The following KDM6B variants were observed in gnomAD, a reference collection of about 807,000 sequenced individuals.
The protein encoded by KDM6B is lysine demethylase 6B, also known as lysine-specific demethylase 6B.
Under a neutral mutation model 150.4 loss-of-function variants are expected in KDM6B, and 22 were observed. That is an observed-to-expected ratio of 0.15 (90% confidence interval 0.10 to 0.21). KDM6B has a LOEUF of 0.21. KDM6B is among the 10% of genes least tolerant of loss of function. KDM6B has a pLI of 1.00. For synonymous variants in KDM6B, 1,148 were observed against 921.1 expected (o/e 1.25, Z -4.46); for missense variants, 1,984 against 2,234.3 (o/e 0.89, Z 2.26).
intron 21 of KDM6B, 43 bp downstream of exon 21, chr17:7,852,679 T>A: frequency 6.2e-7 from 1 of 1,612,622 alleles, no homozygotes; most frequent in Non-Finnish European, 8.5e-7. Context: ...CACTGACTGG[T>A]CCCTTTTCTT....
chr17:7,846,617 G>A lies in KDM6B; in HGVS notation c.588G>A (p.Pro196=), dbSNP rs143632454. The A allele has an allele frequency of 3.3e-5, 53 of 1,613,936 alleles. No homozygotes were observed. Among genetic ancestry groups the A allele is most frequent in the African/African-American group, 2.4e-4 (18 of 74,886 alleles). Residue 196 remains proline, a synonymous_variant, in exon 9 of 24, where the codon CCG becomes CCA. Coordinates refer to ENST00000448097, the MANE Select transcript of KDM6B (RefSeq NM_001348716.2). Reference sequence around the variant, plus strand: ...ATGGAGCCAAGCGGGGAGGTCCCCCGGTGAAGCGAGCTGCTGAACCCCCAG... The same window carrying A: ...ATGGAGCCAAGCGGGGAGGTCCCCCAGTGAAGCGAGCTGCTGAACCCCCAG... ...RNYGAKRGGP[P]VKRAAEPPVV...
chr17:7,854,757 T>G lies in KDM6B; in HGVS notation c.*1236T>G. ...CTACCCCTATTTTCGGTGATTTTTG[T>G]GTGAGAATATTAATATTAAAAATAA... On this transcript the variant is annotated 3_prime_UTR_variant, in exon 24 of 24. Transcript: ENST00000448097. 3.4e-6 allele frequency: 1 copy of G among 290,518 alleles called. No individual in the cohort carries two copies. Among genetic ancestry groups the G allele is most frequent in the Non-Finnish European group, 6.6e-6 (1 of 151,500 alleles). 18.0% of individuals were successfully genotyped at this position (290,518 alleles called of 1,614,324 possible).
In KDM6B at chr17:7,849,242, G is replaced by A. The variant is rs756964794; in HGVS notation, c.2954G>A (p.Arg985Gln). 23 of 1,564,476 alleles carry A rather than the reference G, an allele frequency of 1.5e-5. No homozygotes were observed. The highest frequency in any genetic ancestry group is 2.4e-5 in the East Asian group (1 of 41,706). Residue 985 changes from arginine to glutamine, a missense_variant, in exon 12 of 24, where the codon CGG becomes CAG. Physicochemically the swap from Arg to Gln is conservative, Grantham distance 43 (BLOSUM62 1). Around this residue, in one of 13 missense-constraint regions of KDM6B, gnomAD observed 1,379 missense variants for 1,275.6 expected, o/e 1.08. Coordinates refer to ENST00000448097, the MANE Select transcript of KDM6B (RefSeq NM_001348716.2). ...AAGGAGCATCAGAAGGAGCATCGGC[G>A]GCACAGGCGGGCCTGTAAGGACAGT... ...RQKEHQKEHR[R>Q]HRRACKDSVG...
intron 2 of KDM6B, among the ~76,000 whole-genome samples, chr17:7,842,035 G>A (rs543394315): frequency 5.3e-5 from 8 of 152,346 alleles, no homozygotes; most frequent in Non-Finnish European, 7.3e-5. Context: ...GCTGATTGCC[G>A]GCTAGGTAAA....
In KDM6B at chr17:7,854,751, T is replaced by G; in HGVS notation, c.*1230T>G. The G allele has an allele frequency of 3.5e-6, 1 of 283,252 alleles. No homozygotes were observed. The highest frequency in any genetic ancestry group is 6.8e-6 in the Non-Finnish European group (1 of 146,722). The allele number at this position is 283,252 out of a possible 1,614,324, so 17.5% of individuals were successfully genotyped here. On this transcript the variant is annotated 3_prime_UTR_variant, in exon 24 of 24. Transcript: ENST00000448097. The stretch of plus-strand genomic sequence containing the variant: ...CCAACCCTACCCCTATTTTCGGTGA[T>G]TTTTGTGTGAGAATATTAATATTAA...
chr17:7,842,029 A>C (rs1245490038), intron 2 of KDM6B, among the ~76,000 whole-genome samples: 8 of 152,208 alleles, frequency 5.3e-5, no homozygotes, highest in African/African-American at 1.9e-4. Flanking sequence ...ATGCCCGCTG[A>C]TTGCCGGCTA....
At position 7,846,387 on chromosome 17, in the gene KDM6B, C is replaced by T. The variant is rs2078537997; in HGVS notation, c.457-13C>T. 6.9e-7 allele frequency: 1 copy of T among 1,458,574 alleles called. No individual in the cohort carries two copies. Among genetic ancestry groups the T allele is most frequent in the Non-Finnish European group, 9.5e-7 (1 of 1,056,630 alleles). The allele number at this position is 1,458,574 out of a possible 1,614,324, so 90.4% of individuals were successfully genotyped here. A position where few individuals can be genotyped will look rare whatever the true frequency, so the allele number is the denominator to read the frequency against. ...CTGACATCTGCCCCTGCCCCGTGTCCCCCCACCCCCAGGCCCAGCTCTGGA... is the reference window on the plus strand; with the variant it reads ...CTGACATCTGCCCCTGCCCCGTGTCTCCCCACCCCCAGGCCCAGCTCTGGA... On this transcript the variant is annotated splice_polypyrimidine_tract_variant and intron_variant, in intron 7 of 23. Transcript: ENST00000448097.
At chr17:7,837,134 G>C (rs1227880898) in intron 1 of KDM6B, among the ~76,000 whole-genome samples, 1 of 152,178 alleles carries the variant, frequency 6.6e-6, no homozygotes, top group Non-Finnish European at 1.5e-5. Flanking sequence ...TGGCACAGAA[G>C]AGCTTCCCCT....
In KDM6B at chr17:7,848,673, C is replaced by A. The variant is rs1385075227; in HGVS notation, c.2385C>A (p.Pro795=). The A allele has an allele frequency of 3.1e-6, 5 of 1,609,434 alleles. No individual in the cohort carries two copies. Among genetic ancestry groups the A allele is most frequent in the Non-Finnish European group, 4.2e-6 (5 of 1,178,566 alleles). The part of the protein sequence containing the change: ...PPPSQPQPPP[P]PPPSPASLLK... Reference sequence around the variant, plus strand: ...CCTCTCAGCCACAGCCACCACCACCCCCACCCCCCAGCCCGGCCAGCCTGC... The same window carrying A: ...CCTCTCAGCCACAGCCACCACCACCACCACCCCCCAGCCCGGCCAGCCTGC... The change falls in exon 12 of 24, where the codon CCC becomes CCA. Residue 795 remains proline (P), a synonymous_variant. Coordinates refer to ENST00000448097, the MANE Select transcript of KDM6B (RefSeq NM_001348716.2).
chr17:7,845,341 C>A lies in KDM6B; in HGVS notation c.-121C>A. 1 of 650,804 alleles carries A rather than the reference C, an allele frequency of 1.5e-6. No individual in the cohort carries two copies. Among genetic ancestry groups the A allele is most frequent in the Non-Finnish European group, 2.8e-6 (1 of 359,470 alleles). The allele number at this position is 650,804 out of a possible 1,614,324, so 40.3% of individuals were successfully genotyped here. Reference sequence around the variant, plus strand: ...TTGGCTGTGAAAGGACTGAGGCAGCCATCTGGGGGTAGCGGGCACTCTTAT... The same window carrying A: ...TTGGCTGTGAAAGGACTGAGGCAGCAATCTGGGGGTAGCGGGCACTCTTAT... On this transcript the variant is annotated 5_prime_UTR_variant, in exon 4 of 24. Coordinates refer to ENST00000448097, the MANE Select transcript of KDM6B (RefSeq NM_001348716.2).
chr17:7,845,752 C>T, intron 5 of KDM6B, 61 bp downstream of exon 5: 5 of 1,610,324 alleles, frequency 3.1e-6, no homozygotes, highest in Non-Finnish European at 4.2e-6. Flanking sequence ...ATCCCTCAAT[C>T]TGTGTCATTC....
rs1184616838 is a variant in KDM6B, at chr17:7,849,142, C to A, written c.2854C>A (p.Leu952Met). 2 of 1,612,102 alleles carry A rather than the reference C, an allele frequency of 1.2e-6. No homozygotes were observed. The highest frequency in any genetic ancestry group is 1.7e-6 in the Non-Finnish European group (2 of 1,179,714). ...GCCAGCGGACAGTGGGACTGAGCGA[C>A]TGCTGCCCCCCGCACAGGCCAAGGA... is the stretch of plus-strand genomic sequence containing the variant. Reference protein sequence around the residue: ...AEPADSGTERLLPPAQAKEEA... With the variant: ...AEPADSGTERMLPPAQAKEEA... The change falls in exon 12 of 24, where the codon CTG (leucine) becomes ATG (methionine). Residue 952 changes from leucine to methionine, a missense_variant. Physicochemically the swap from Leu to Met is conservative, Grantham distance 15. Around this residue, in one of 13 missense-constraint regions of KDM6B, gnomAD observed 1,379 missense variants for 1,275.6 expected, o/e 1.08. Coordinates refer to ENST00000448097, the MANE Select transcript of KDM6B (RefSeq NM_001348716.2).
intron 18 of KDM6B, 32 bp from the exon 19 acceptor site, chr17:7,851,919 C>T: frequency 6.2e-7 from 1 of 1,609,356 alleles, no homozygotes; most frequent in Non-Finnish European, 8.5e-7. Flanking sequence ...TCCGACCTGG[C>T]CAGCCATGCC....
chr17:7,847,275 TAGAG>T lies in KDM6B; in HGVS notation c.1085_1088del (p.Glu362AlafsTer124), dbSNP rs769566928. ...CCACCCGTCCCCCCGGAAGTGACCTTAGAGAGAGCAGAGTTCAGAGGTCGCGGAT... is the reference window on the plus strand; with the variant it reads ...CCACCCGTCCCCCCGGAAGTGACCTTAGAGCAGAGTTCAGAGGTCGCGGAT... On this transcript the variant is annotated frameshift_variant, in exon 11 of 24. Transcript: ENST00000448097. LOFTEE classifies it high-confidence loss of function. 2 of 1,600,564 alleles carry T rather than the reference TAGAG, an allele frequency of 1.2e-6. No individual in the cohort carries two copies. The highest frequency in any genetic ancestry group is 1.7e-5 in the Admixed American group (1 of 59,808).
Position 7,847,243 on chromosome 17 carries a change from C to T in KDM6B, c.1048C>T (p.Leu350=). The change falls in exon 11 of 24, where the codon CTG becomes TTG. Residue 350 remains leucine (L), a synonymous_variant. Transcript: ENST00000448097. ...RPPGAESHGC[L]PATRPPGSDL... ...CCCAGGAGCAGAGAGCCATGGCTGC[C>T]TGCCTGCCACCCGTCCCCCCGGAAG... The T allele has an allele frequency of 6.2e-7, 1 of 1,602,440 alleles. No homozygotes were observed. Among genetic ancestry groups the T allele is most frequent in the South Asian group, 1.1e-5 (1 of 91,042 alleles).
chr17:7,846,021 G>GA, intron 6 of KDM6B, 51 bp downstream of exon 6: 2 of 1,599,336 alleles, frequency 1.3e-6, no homozygotes, highest in Non-Finnish European at 1.7e-6. Flanking sequence ...CTGGGGCCTT[G>GA]AAAGAGTCCC....
chr17:7,840,408 C>G (rs1289617712), intron 2 of KDM6B: 1 of 152,198 alleles, frequency 6.6e-6, no homozygotes, highest in African/African-American at 2.4e-5. Flanking sequence ...AGTTGTTGAA[C>G]ACCCTGGCTT....
At chr17:7,851,301 C>T in intron 15 of KDM6B, 29 bp from the exon 16 acceptor site, 1 of 1,613,846 alleles carries the variant, frequency 6.2e-7, no homozygotes, top group Non-Finnish European at 8.5e-7. Context: ...GGTCTCTGAC[C>T]CAGGCCTGCC....
Position 7,846,381 on chromosome 17 carries a change from C to CCA in KDM6B, c.457-19_457-18insCA. On this transcript the variant is annotated intron_variant, in intron 7 of 23. Transcript: ENST00000448097. Reference sequence around the variant, plus strand: ...CCCCACCTGACATCTGCCCCTGCCCCGTGTCCCCCCACCCCCAGGCCCAGC... The same window carrying CCA: ...CCCCACCTGACATCTGCCCCTGCCCCCAGTGTCCCCCCACCCCCAGGCCCAGC... 6.5e-7 allele frequency: 1 copy of CCA among 1,529,394 alleles called. No individual in the cohort carries two copies. The highest frequency in any genetic ancestry group is 8.9e-7 in the Non-Finnish European group (1 of 1,123,096). 94.7% of individuals were successfully genotyped at this position (1,529,394 alleles called of 1,614,324 possible).
Sources: allele counts gnomAD v4.1 joint callset (sites outside exome capture counted in the v4.1 genomes callset), GRCh38; gene constraint gnomAD v4.1.1; regional missense constraint gnomAD v4.1.1; transcripts MANE v1.5; gene names NCBI Gene and HGNC (gene_info 2026-07-23, HGNC 2026-07-21).